RNF213: variants seen among roughly 807,000 people sequenced by gnomAD.
The protein encoded by RNF213 is ring finger protein 213.
In RNF213, 341 loss-of-function variants were observed where a neutral mutation model predicts 514.4. That is an observed-to-expected ratio of 0.66 (90% CI 0.61 to 0.73). RNF213 has a LOEUF of 0.73. Ranked by LOEUF, RNF213 falls within the 30% of genes least tolerant of loss-of-function variation. The pLI is 0.00. For synonymous variants in RNF213, 2,655 were observed against 2,658.2 expected, an observed-to-expected ratio of 1.00 and a Z score of 0.04; for missense variants, 5,767 against 6,615.6, an observed-to-expected ratio of 0.87 and a Z score of 4.45.
chr17:80,282,154 G>GC (rs1198862703), intron 3 of RNF213, among the ~76,000 whole-genome samples: 2 of 152,162 alleles, frequency 1.3e-5, no homozygotes, highest in Admixed American at 1.3e-4. Context: ...ACTGAGGCCG[G>GC]CCCCCGACAC....
chr17:80,368,171 A>G (rs1568143688), intron 44 of RNF213, 28 bp downstream of exon 44: 1 of 1,608,182 alleles, frequency 6.2e-7, no homozygotes, highest in South Asian at 1.1e-5. Flanking sequence ...TCAAGAAAGC[A>G]TCCTTTTTTT....
chr17:80,354,666 G>C lies in RNF213; in HGVS notation c.10862+90G>C, dbSNP rs773699555. ...GGGATCCTCTCTCCATCCGGGCCAT[G>C]GGGACTGAGCTGTTTCTTTCCAAAC... is the stretch of plus-strand genomic sequence containing the variant. On this transcript the variant is annotated intron_variant, in intron 36 of 67. Coordinates refer to ENST00000582970, the MANE Select transcript of RNF213 (RefSeq NM_001256071.3). 1.8e-4 allele frequency: 275 copies of C among 1,496,734 alleles called. 1 individual carries two copies. Among genetic ancestry groups the C allele is most frequent in the Non-Finnish European group, 2.3e-4 (251 of 1,081,372 alleles). 92.7% of individuals were successfully genotyped at this position (1,496,734 alleles called of 1,614,324 possible).
Position 80,273,319 on chromosome 17 carries a change from G to A in RNF213, c.176G>A (p.Gly59Glu), listed in dbSNP as rs1364675704. 4 of 1,613,568 alleles carry A rather than the reference G, an allele frequency of 2.5e-6. No homozygotes were observed. Among genetic ancestry groups the A allele is most frequent in the South Asian group, 2.2e-5 (2 of 91,084 alleles). Residue 59 changes from glycine (G) to glutamate (E), a missense_variant, in exon 3 of 68, where the codon GGG becomes GAG. Transcript: ENST00000582970. ...MECGQELKEE[G>E]GPCLFPGSDS... ...TGTGGGCAGGAGCTGAAGGAGGAAGGGGGCCCGTGCTTGTTCCCGGGCTCA... is the reference window on the plus strand; with the variant it reads ...TGTGGGCAGGAGCTGAAGGAGGAAGAGGGCCCGTGCTTGTTCCCGGGCTCA...
At chr17:80,359,052 AATCTGTGCTCCTTACCCCTGGG>A (rs1008355613) in intron 37 of RNF213, among the ~76,000 whole-genome samples, 1 of 151,954 alleles carries the variant, frequency 6.6e-6, no homozygotes, top group African/African-American at 2.4e-5. Flanking sequence ...ACAGCCCCAC[AATCTGTGCTCCTTACCCCTGGG>A]ATCTGTGCTC....
intron 22 of RNF213, 23 bp downstream of exon 22, chr17:80,334,293 C>T (rs1379191640): frequency 2.6e-6 from 4 of 1,518,162 alleles, no homozygotes; most frequent in East Asian, 4.9e-5. Flanking sequence ...TTTGGGGTTG[C>T]GTGGAAGTGT....
In RNF213 at chr17:80,355,511, A is replaced by T. The variant is rs201231003; in HGVS notation, c.10862+935A>T. Among the ~76,000 whole-genome samples the T allele has an allele frequency of 7.3e-3, 454 of 62,382 alleles. 1 individual carries two copies. Among genetic ancestry groups the T allele is most frequent in the East Asian group, 0.037 (64 of 1,736 alleles). The allele number at this position is 62,382 out of a possible 152,430, so 40.9% of individuals were successfully genotyped here. ...AGAGGAAGAAGCGGGGTGACCGGGA[A>T]TGGGGGCTTACAGGGGGAAGAAGCG... On this transcript the variant is annotated intron_variant, in intron 36 of 67. Coordinates refer to ENST00000582970, the MANE Select transcript of RNF213 (RefSeq NM_001256071.3).
chr17:80,348,068 G>A lies in RNF213; in HGVS notation c.9733G>A (p.Glu3245Lys), dbSNP rs1445848920. 3 of 1,614,026 alleles carry A rather than the reference G, an allele frequency of 1.9e-6. No individual in the cohort carries two copies. Among genetic ancestry groups the A allele is most frequent in the East Asian group, 2.2e-5 (1 of 44,890 alleles). ...GCAGGGTCCCCGGGCCTTGACGGAG[G>A]AACTTCACCAGAAGGTGTCTGAGGA... The part of the protein sequence containing the change: ...ERQGPRALTE[E>K]LHQKVSEEAK... The change falls in exon 29 of 68, where the codon GAA (glutamate) becomes AAA (lysine). Residue 3245 changes from glutamate (E) to lysine (K), a missense_variant. Transcript: ENST00000582970.
chr17:80,271,600 C>T lies in RNF213; in HGVS notation c.98-1641C>T, dbSNP rs370797336. On this transcript the variant is annotated intron_variant, in intron 2 of 67. Coordinates refer to ENST00000582970, the MANE Select transcript of RNF213 (RefSeq NM_001256071.3). ...TGTGTCAGGGAGAGGTGGGGTCGTCCAGACCCAGGATTGAAAACAGGGACT... is the reference window on the plus strand; with the variant it reads ...TGTGTCAGGGAGAGGTGGGGTCGTCTAGACCCAGGATTGAAAACAGGGACT... 1.9e-4 allele frequency among the ~76,000 whole-genome samples: 29 copies of T among 152,312 alleles called. No individual in the cohort carries two copies. The East Asian group carries it at 2.1e-3, about 11-fold the overall frequency.
At chr17:80,364,621 A>T in intron 42 of RNF213, 68 bp downstream of exon 42, 2 of 1,600,278 alleles carry the variant, frequency 1.2e-6, no homozygotes, top group Non-Finnish European at 8.6e-7. Flanking sequence ...AACAGCACTG[A>T]CAGTGATCTG....
chr17:80,377,667 G>A lies in RNF213; in HGVS notation c.13511-95G>A. On this transcript the variant is annotated intron_variant, in intron 53 of 67. Coordinates refer to ENST00000582970, the MANE Select transcript of RNF213 (RefSeq NM_001256071.3). The surrounding 1 kb of genome is among the most constrained non-coding windows in gnomAD (Gnocchi z 4.1). ...TCTGGACAGTCATTCTCATATTGTG[G>A]TCAGGGCCAGAGAGTAGAGAGTTAG... The A allele has an allele frequency of 7.3e-7, 1 of 1,371,866 alleles. No individual in the cohort carries two copies. Among genetic ancestry groups the A allele is most frequent in the Non-Finnish European group, 1.0e-6 (1 of 959,028 alleles). 85.0% of individuals were successfully genotyped at this position (1,371,866 alleles called of 1,614,324 possible). A position where few individuals can be genotyped will look rare whatever the true frequency, so the allele number is the denominator to read the frequency against.
At position 80,385,102 on chromosome 17, in the gene RNF213, A is replaced by AC; in HGVS notation, c.14386_14387insC (p.Lys4796ThrfsTer10). Reference sequence around the variant, plus strand: ...TTTGGCCTTGCAAAGGGATCTAGTGAAGCAGTTCCAGAACGTCCAGCAAGT... The same window carrying AC: ...TTTGGCCTTGCAAAGGGATCTAGTGACAGCAGTTCCAGAACGTCCAGCAAGT... On this transcript the variant is annotated frameshift_variant, in exon 60 of 68. Coordinates refer to ENST00000582970, the MANE Select transcript of RNF213 (RefSeq NM_001256071.3). LOFTEE classifies it high-confidence loss of function. The AC allele has an allele frequency of 6.2e-7, 1 of 1,614,156 alleles. No homozygotes were observed. Among genetic ancestry groups the AC allele is most frequent in the East Asian group, 2.2e-5 (1 of 44,886 alleles).
intron 17 of RNF213, 122 bp from the exon 18 acceptor site, chr17:80,324,908 C>T (rs2046238754): frequency 1.0e-6 from 1 of 981,842 alleles, no homozygotes; most frequent in Non-Finnish European, 1.5e-6. Context: ...CTTTTTGTGG[C>T]CTTATAAAAC....
intron 17 of RNF213, among the ~76,000 whole-genome samples, chr17:80,324,170 G>C (rs2046219744): frequency 6.6e-6 from 1 of 152,200 alleles, no homozygotes. Context: ...GTCTTGTTCT[G>C]ATCTTAAGAG....
Position 80,393,554 on chromosome 17 carries a change from G to A in RNF213, c.*56G>A, listed in dbSNP as rs1368513098. The A allele has an allele frequency of 2.4e-5, 37 of 1,571,382 alleles. No individual in the cohort carries two copies. The highest frequency in any genetic ancestry group is 6.7e-5 in the South Asian group (6 of 89,730). The stretch of plus-strand genomic sequence containing the variant: ...TTGGAGAGAAGACTCCTCTCTCCTC[G>A]TCTGCGGCGTGGACTTGATCATGGA... On this transcript the variant is annotated 3_prime_UTR_variant, in exon 68 of 68. Transcript: ENST00000582970.
At chr17:80,363,021 C>A in intron 39 of RNF213, 81 bp from the exon 40 acceptor site, 1 of 1,309,502 alleles carries the variant, frequency 7.6e-7, no homozygotes, top group Non-Finnish European at 1.1e-6. Context: ...TATGGTTTTC[C>A]AATAGTTCGG....
At chr17:80,354,219 G>A in intron 35 of RNF213, 53 bp downstream of exon 35, 1 of 1,595,700 alleles carries the variant, frequency 6.3e-7, no homozygotes, top group Non-Finnish European at 8.6e-7. Flanking sequence ...CTCTTCCTGA[G>A]GAGTGGGCAT....
intron 67 of RNF213, among the ~76,000 whole-genome samples, chr17:80,391,777 T>TC (rs1046077804): frequency 2.6e-4 from 36 of 139,842 alleles, no homozygotes; most frequent in African/African-American, 9.1e-4. Flanking sequence ...TTTTTTTTTT[T>TC]TTTTTTTTTT....
chr17:80,386,302 T>G lies in RNF213; in HGVS notation c.14592T>G (p.Thr4864=), dbSNP rs58364615. The change falls in exon 62 of 68, where the codon ACT becomes ACG. Residue 4864 remains threonine (T), a synonymous_variant. Coordinates refer to ENST00000582970, the MANE Select transcript of RNF213 (RefSeq NM_001256071.3). ...GCAGCACTGACTTGGATCTGGACACTGAGTTTGAGATCCTCTTGCCACGCC... is the reference window on the plus strand; with the variant it reads ...GCAGCACTGACTTGGATCTGGACACGGAGTTTGAGATCCTCTTGCCACGCC... ...DYCSTDLDLD[T]EFEILLPRRR... The G allele has an allele frequency of 2.1e-3, 3,309 of 1,612,784 alleles. 64 individuals carry two copies. The African/African-American group carries it at 0.039, about 19-fold the overall frequency.
At chr17:80,268,373 AAAAAAAG>A (rs1417065166) in intron 2 of RNF213, among the ~76,000 whole-genome samples, 2,454 of 144,838 alleles carry the variant, frequency 0.017, 98 homozygotes, top group African/African-American at 0.06. Flanking sequence ...AAAAAAAAAA[AAAAAAAG>A]GCAGTACTGC....
Sources: gnomAD v4.1 joint callset for allele counts (sites outside exome capture counted in the v4.1 genomes callset) on GRCh38, gnomAD v4.1.1 for gene constraint, Gnocchi (gnomAD v3.1) non-coding constraint, MANE v1.5 for transcripts, NCBI Gene and HGNC (gene_info 2026-07-23, HGNC 2026-07-21) for gene names.